COL9A2: variants seen among roughly 807,000 people sequenced by gnomAD.
The protein encoded by COL9A2 is collagen alpha-2(IX) chain.
A neutral mutation model predicts 111.6 loss-of-function variants in COL9A2; 66 were observed. The observed-to-expected ratio is 0.59, with a 90% CI of 0.48 to 0.73. COL9A2 has a LOEUF of 0.73. COL9A2 is among the 30% of genes least tolerant of loss of function. The pLI is 0.00. For missense variants in COL9A2, 881 were observed against 954.1 expected (o/e 0.92, Z 1.01); for synonymous variants, 353 against 364.1 (o/e 0.97, Z 0.35).
chr1:40,313,764 G>T (rs1357753330), intron 4 of COL9A2, among the ~76,000 whole-genome samples: 3 of 152,154 alleles, frequency 2.0e-5, no homozygotes, highest in African/African-American at 7.2e-5. Context: ...TGTGACCTTG[G>T]GGGCCCCCTG....
In COL9A2 at chr1:40,310,467, G is replaced by A. The variant is rs1644105842; in HGVS notation, c.685-150C>T. The A allele has an allele frequency of 1.1e-6, 1 of 897,232 alleles. No individual in the cohort carries two copies. The highest frequency in any genetic ancestry group is 2.0e-5 in the Admixed American group (1 of 50,598). The allele number at this position is 897,232 out of a possible 1,614,324, so 55.6% of individuals were successfully genotyped here. On this transcript the variant is annotated intron_variant, in intron 13 of 31. Coordinates refer to ENST00000372748, the MANE Select transcript of COL9A2 (RefSeq NM_001852.4). This position sits in a 1 kb window ranked among gnomAD's most constrained non-coding sequence, Gnocchi z 4.9. ...ATGGGACATGGAGGTTCAGAGATGA[G>A]GAGGGACTCACTGCATTACTCAAAG...
Position 40,302,790 on chromosome 1 carries a change from G to T in COL9A2, c.1623C>A (p.Ala541=). 1 of 1,540,288 alleles carries T rather than the reference G, an allele frequency of 6.5e-7. No homozygotes were observed. Among genetic ancestry groups the T allele is most frequent in the South Asian group, 1.2e-5 (1 of 84,144 alleles). ...CCAGGGCTTCCCGCTTGGCACTCAC[G>T]GCGACCTCTGCCAGTTGCTCTGGAG... is the stretch of plus-strand genomic sequence containing the variant. ...KMLQEQLAEV[A]VSAKREALGA... Residue 541 remains alanine, a synonymous_variant, in exon 30 of 32, where the codon GCC becomes GCA. Transcript: ENST00000372748. This position sits in a 1 kb window ranked among gnomAD's most constrained non-coding sequence, Gnocchi z 4.5.
Position 40,305,759 on chromosome 1 carries a change from C to T in COL9A2, c.1063G>A (p.Gly355Ser), listed in dbSNP as rs138592408. ...KGGPGDQGEP[G>S]PQGLPGFSGP... ...GAGAATCCAGGAAGGCCCTGCGGGC[C>T]CGGCTCACCCTGCAGGAAAACAGTT... Residue 355 changes from glycine to serine, a missense_variant, in exon 21 of 32, where the codon GGC (glycine) becomes AGC (serine). Gly to Ser is a moderately conservative substitution (Grantham distance 56, BLOSUM62 0). Coordinates refer to ENST00000372748, the MANE Select transcript of COL9A2 (RefSeq NM_001852.4). The T allele has an allele frequency of 9.9e-6, 16 of 1,614,144 alleles. No individual in the cohort carries two copies. In the African/African-American group the frequency reaches 1.7e-4, roughly 17 times the overall value.
At position 40,311,104 on chromosome 1, in the gene COL9A2, G is replaced by C. The variant is rs1362731326; in HGVS notation, c.619C>G (p.Gln207Glu). The C allele has an allele frequency of 6.2e-7, 1 of 1,614,132 alleles. No homozygotes were observed. The highest frequency in any genetic ancestry group is 8.5e-7 in the Non-Finnish European group (1 of 1,180,026). Residue 207 changes from glutamine to glutamate, a missense_variant, in exon 12 of 32, where the codon CAG becomes GAG. Gln to Glu is a conservative substitution (Grantham distance 29, BLOSUM62 2). Coordinates refer to ENST00000372748, the MANE Select transcript of COL9A2 (RefSeq NM_001852.4). The surrounding 1 kb of genome is among the most constrained non-coding windows in gnomAD (Gnocchi z 5.1). ...KRGILGDPGHQGKPGPKGDVG... is the reference protein window; with the variant it reads ...KRGILGDPGHEGKPGPKGDVG... ...GCCCTTGCACTCACCGGCTTCCCCT[G>C]GTGGCCAGGATCACCCAGAATCCCG...
intron 2 of COL9A2, 41 bp downstream of exon 2, chr1:40,315,549 T>C: frequency 6.5e-7 from 1 of 1,528,568 alleles, no homozygotes; most frequent in East Asian, 2.5e-5. Flanking sequence ...CTCCTTTGTC[T>C]GCCGCCTCCC....
At chr1:40,308,063 C>A in intron 17 of COL9A2, 129 bp downstream of exon 17, 1 of 908,948 alleles carries the variant, frequency 1.1e-6, no homozygotes. Flanking sequence ...GAGGCATTTC[C>A]TGAGGTTATG....
At position 40,303,183 on chromosome 1, in the gene COL9A2, G is replaced by C. The variant is rs140697524; in HGVS notation, c.1551C>G (p.Gly517=). 2 of 1,610,918 alleles carry C rather than the reference G, an allele frequency of 1.2e-6. No individual in the cohort carries two copies. Among genetic ancestry groups the C allele is most frequent in the South Asian group, 1.1e-5 (1 of 90,284 alleles). The change falls in exon 29 of 32, where the codon GGC becomes GGG. Residue 517 remains glycine, a splice_region_variant and synonymous_variant. Coordinates refer to ENST00000372748, the MANE Select transcript of COL9A2 (RefSeq NM_001852.4). The surrounding 1 kb of genome is among the most constrained non-coding windows in gnomAD (Gnocchi z 4.6). The part of the protein sequence containing the change: ...PGQPGRQGVE[G]RDATDQHIVD... ...CGATGTGCTGGTCAGTGGCATCCCG[G>C]CCCTGAAAGCAGAGGCCTTTCAGGA... is the stretch of plus-strand genomic sequence containing the variant.
Position 40,314,684 on chromosome 1 carries a change from G to T in COL9A2, c.151-297C>A, listed in dbSNP as rs1342462969. Reference sequence around the variant, plus strand: ...GTGCCAGCTGTGAGACCCACTACCAGGGCTGGGGGCTCCAAGCTGATGCCT... The same window carrying T: ...GTGCCAGCTGTGAGACCCACTACCATGGCTGGGGGCTCCAAGCTGATGCCT... On this transcript the variant is annotated intron_variant, in intron 2 of 31. Transcript: ENST00000372748. This position sits in a 1 kb window ranked among gnomAD's most constrained non-coding sequence, Gnocchi z 4.1. 6.6e-6 allele frequency among the ~76,000 whole-genome samples: 1 copy of T among 152,136 alleles called. No individual in the cohort carries two copies. Among genetic ancestry groups the T allele is most frequent in the African/African-American group, 2.4e-5 (1 of 41,384 alleles).
At chr1:40,309,775 TAC>T (rs575148585) in intron 16 of COL9A2, among the ~76,000 whole-genome samples, 161 bp downstream of exon 16, 47 of 151,718 alleles carry the variant, frequency 3.1e-4, no homozygotes, top group South Asian at 1.0e-3. Flanking sequence ...TACACTCATA[TAC>T]ACACAGTCTA....
chr1:40,308,255 GGA>G lies in COL9A2; in HGVS notation c.847-12_847-11del. 1 of 1,613,570 alleles carries G rather than the reference GGA, an allele frequency of 6.2e-7. No homozygotes were observed. Among genetic ancestry groups the G allele is most frequent in the Non-Finnish European group, 8.5e-7 (1 of 1,179,750 alleles). ...GAATACCTGGGCTGCCCTGCAAAGC[GGA>G]GAGAGATCAGGTCACCCTCAGGATG... On this transcript the variant is annotated splice_polypyrimidine_tract_variant and intron_variant, in intron 16 of 31. Coordinates refer to ENST00000372748, the MANE Select transcript of COL9A2 (RefSeq NM_001852.4).
At position 40,312,257 on chromosome 1, in the gene COL9A2, G is replaced by A. The variant is rs185878911; in HGVS notation, c.364-145C>T. ...ACCCCAGAGAGACTGACAGACTGAG[G>A]CTTTAAGGACCAGAGAATTGCAGAG... On this transcript the variant is annotated intron_variant, in intron 7 of 31. Transcript: ENST00000372748. The surrounding 1 kb of genome is among the most constrained non-coding windows in gnomAD (Gnocchi z 6.0). The A allele has an allele frequency of 2.9e-6, 3 of 1,023,032 alleles. No homozygotes were observed. The East Asian group carries it at 7.8e-5, about 27-fold the overall frequency. The allele number at this position is 1,023,032 out of a possible 1,614,324, so 63.4% of individuals were successfully genotyped here.
rs1643978546 is a variant in COL9A2, at chr1:40,304,110, C to T, written c.1288-11G>A. ...CTTCCCTGGGGAGCCCTGGAGAAAGCGGGCAGTGAGGGGTTTGGCGAGCTC... is the reference window on the plus strand; with the variant it reads ...CTTCCCTGGGGAGCCCTGGAGAAAGTGGGCAGTGAGGGGTTTGGCGAGCTC... On this transcript the variant is annotated splice_polypyrimidine_tract_variant and intron_variant, in intron 24 of 31. Coordinates refer to ENST00000372748, the MANE Select transcript of COL9A2 (RefSeq NM_001852.4). 1.3e-6 allele frequency: 2 copies of T among 1,552,432 alleles called. No homozygotes were observed. Among genetic ancestry groups the T allele is most frequent in the Non-Finnish European group, 1.7e-6 (2 of 1,149,764 alleles).
rs1557793194 is a variant in COL9A2 at position 40,303,848 on chromosome 1, A to ACAAGGAGCAGCGGT, written c.1369-23_1369-10dup. On this transcript the variant is annotated splice_polypyrimidine_tract_variant and intron_variant, in intron 26 of 31. Coordinates refer to ENST00000372748, the MANE Select transcript of COL9A2 (RefSeq NM_001852.4). This position sits in a 1 kb window ranked among gnomAD's most constrained non-coding sequence, Gnocchi z 4.6. The stretch of plus-strand genomic sequence containing the variant: ...GGCTCGCCGGACTCGCCCTGCAGGC[A>ACAAGGAGCAGCGGT]CAAGGAGCAGCGGTCACGAAGCCGC... The ACAAGGAGCAGCGGT allele has an allele frequency of 1.9e-6, 3 of 1,555,660 alleles. No homozygotes were observed. The highest frequency in any genetic ancestry group is 2.6e-6 in the Non-Finnish European group (3 of 1,150,424).
chr1:40,314,493 C>T lies in COL9A2; in HGVS notation c.151-106G>A, dbSNP rs977233520. The stretch of plus-strand genomic sequence containing the variant: ...TCCCAAAGGCTCTCCTCACTCTCCT[C>T]TCTTCTGTCCAGGTCCCCTAAGCCT... On this transcript the variant is annotated intron_variant, in intron 2 of 31. Transcript: ENST00000372748. This position sits in a 1 kb window ranked among gnomAD's most constrained non-coding sequence, Gnocchi z 4.1. 12 of 1,344,442 alleles carry T rather than the reference C, an allele frequency of 8.9e-6. No individual in the cohort carries two copies. The highest frequency in any genetic ancestry group is 1.4e-5 in the African/African-American group (1 of 69,474). 83.3% of individuals were successfully genotyped at this position (1,344,442 alleles called of 1,614,324 possible).
chr1:40,314,074 G>T lies in COL9A2; in HGVS notation c.249+131C>A. ...AAGGTCACAAGTCATATCAAGGTGAGGGGGGCTCACAGCTGGAGAATCTCC... is the reference window on the plus strand; with the variant it reads ...AAGGTCACAAGTCATATCAAGGTGATGGGGGCTCACAGCTGGAGAATCTCC... On this transcript the variant is annotated intron_variant, in intron 4 of 31. Coordinates refer to ENST00000372748, the MANE Select transcript of COL9A2 (RefSeq NM_001852.4). The surrounding 1 kb of genome is among the most constrained non-coding windows in gnomAD (Gnocchi z 4.1). 9.8e-7 allele frequency: 1 copy of T among 1,015,762 alleles called. No homozygotes were observed. Among genetic ancestry groups the T allele is most frequent in the Non-Finnish European group, 1.6e-6 (1 of 639,038 alleles). The allele number at this position is 1,015,762 out of a possible 1,614,324, so 62.9% of individuals were successfully genotyped here. A position where few individuals can be genotyped will look rare whatever the true frequency, so the allele number is the denominator to read the frequency against.
chr1:40,304,139 C>T, intron 24 of COL9A2, 40 bp from the exon 25 acceptor site: 2 of 1,529,444 alleles, frequency 1.3e-6, no homozygotes, highest in Non-Finnish European at 1.8e-6. Flanking sequence ...CGAGCTCCCC[C>T]CTCCACGGGG....
chr1:40,307,748 TG>T lies in COL9A2; in HGVS notation c.908del (p.Pro303GlnfsTer15), dbSNP rs1644052943. ...GGGTCCCATCCTTGCCGTTGATGCC[TG>T]GGGGGCCCTACCCAGGAGGAAAGTT... ...ITGPKGATGP[P>X]GINGKDGTPG... On this transcript the variant is annotated frameshift_variant, in exon 18 of 32. Coordinates refer to ENST00000372748, the MANE Select transcript of COL9A2 (RefSeq NM_001852.4). LOFTEE classifies it high-confidence loss of function. This position sits in a 1 kb window ranked among gnomAD's most constrained non-coding sequence, Gnocchi z 4.8. The T allele has an allele frequency of 6.2e-7, 1 of 1,613,968 alleles. No individual in the cohort carries two copies.
In COL9A2 at chr1:40,308,229, C is replaced by T. The variant is rs771823937; in HGVS notation, c.863G>A (p.Arg288His). The part of the protein sequence containing the change: ...EKGDEGSPGI[R>H]GPQGITGPKG... ...CGGGCCTGTGATCCCCTGGGGTCCA[C>T]GAATACCTGGGCTGCCCTGCAAAGC... The change falls in exon 17 of 32, where the codon CGT becomes CAT. Residue 288 changes from arginine (R) to histidine (H), a missense_variant. Physicochemically the swap from Arg to His is conservative, Grantham distance 29. Coordinates refer to ENST00000372748, the MANE Select transcript of COL9A2 (RefSeq NM_001852.4). The T allele has an allele frequency of 8.7e-6, 14 of 1,613,982 alleles. No homozygotes were observed. The East Asian group carries it at 8.9e-5, about 10-fold the overall frequency.
At position 40,312,630 on chromosome 1, in the gene COL9A2, G is replaced by T. The variant is rs375575073; in HGVS notation, c.304-21C>A. ...TGGCCCTGCAGAAGCAACGAGAAAG[G>T]CTCAGAGGCTGGGGTTTCCCCGGCT... On this transcript the variant is annotated intron_variant, in intron 5 of 31. Transcript: ENST00000372748. The surrounding 1 kb of genome is among the most constrained non-coding windows in gnomAD (Gnocchi z 6.0). 1.2e-6 allele frequency: 2 copies of T among 1,613,380 alleles called. No individual in the cohort carries two copies. The highest frequency in any genetic ancestry group is 1.7e-6 in the Non-Finnish European group (2 of 1,179,772).
Sources: allele counts gnomAD v4.1 joint callset (sites outside exome capture counted in the v4.1 genomes callset), GRCh38; gene constraint gnomAD v4.1.1; non-coding constraint Gnocchi (gnomAD v3.1); transcripts MANE v1.5; gene names NCBI Gene and HGNC (gene_info 2026-07-23, HGNC 2026-07-21).